HSPBAP1: variants seen among roughly 807,000 people sequenced by gnomAD.
HSPBAP1 encodes the protein HSPB1 associated protein 1, also known as HSPB1-associated protein 1.
In HSPBAP1, 27 loss-of-function variants were observed where a neutral mutation model predicts 45.2. The ratio of observed to expected loss-of-function variants is 0.60; its 90% confidence interval spans 0.44 to 0.82. The LOEUF is 0.82. HSPBAP1 is among the 40% of genes least tolerant of loss of function. HSPBAP1 has a pLI of 0.00. For synonymous variants in HSPBAP1, 204 were observed against 202.7 expected (o/e 1.01, Z -0.06); for missense variants, 510 against 590.9 (o/e 0.86, Z 1.42).
intron 6 of HSPBAP1, among the ~76,000 whole-genome samples, chr3:122,747,047 G>A (rs200461143): frequency 0.42 from 61,203 of 146,808 alleles, 12,288 homozygotes; most frequent in Non-Finnish European, 0.51. Context: ...CCAAAGTGCC[G>A]AGATTGCAGC....
intron 6 of HSPBAP1, among the ~76,000 whole-genome samples, chr3:122,749,905 C>T (rs982950674): frequency 3.3e-5 from 5 of 151,862 alleles, no homozygotes; most frequent in East Asian, 3.9e-4. Context: ...CCACTGCACC[C>T]GGCCAAATTT....
At position 122,793,753 on chromosome 3, in the gene HSPBAP1, A is replaced by C; in HGVS notation, c.-73T>G. 8.6e-6 allele frequency: 12 copies of C among 1,391,780 alleles called. No individual in the cohort carries two copies. Among genetic ancestry groups the C allele is most frequent in the Admixed American group, 3.6e-5 (2 of 55,980 alleles). The allele number at this position is 1,391,780 out of a possible 1,614,324, so 86.2% of individuals were successfully genotyped here. A position where few individuals can be genotyped will look rare whatever the true frequency, so the allele number is the denominator to read the frequency against. ...GGGGTGGGGTCAGAGTAGGGGCCAA[A>C]CTCCGAGACCCGAAGCTGCACCACA... On this transcript the variant is annotated 5_prime_UTR_variant, in exon 1 of 8. Transcript: ENST00000306103.
intron 2 of HSPBAP1, among the ~76,000 whole-genome samples, chr3:122,770,952 A>G (rs1340553169): frequency 2.0e-5 from 3 of 152,248 alleles, no homozygotes; most frequent in Admixed American, 2.0e-4. Context: ...AAGCCATTAA[A>G]TGAGCTACTT....
At position 122,748,194 on chromosome 3, in the gene HSPBAP1, G is replaced by A. The variant is rs918205636; in HGVS notation, c.825+4397C>T. The stretch of plus-strand genomic sequence containing the variant: ...GACGCTTGAAGGCAGCGTGCTCGTT[G>A]AGAGTCATCACCACTCCCTAATCTC... On this transcript the variant is annotated intron_variant, in intron 6 of 7. Coordinates refer to ENST00000306103, the MANE Select transcript of HSPBAP1 (RefSeq NM_024610.6). Among the ~76,000 whole-genome samples the A allele has an allele frequency of 2.4e-4, 37 of 152,086 alleles. No homozygotes were observed. The South Asian group carries it at 2.5e-3, about 10-fold the overall frequency.
chr3:122,752,512 G>T, intron 6 of HSPBAP1, 79 bp downstream of exon 6: 1 of 824,716 alleles, frequency 1.2e-6, no homozygotes, highest in Non-Finnish European at 1.9e-6. Context: ...TTACCCAGTT[G>T]TACAGCCAGA....
intron 2 of HSPBAP1, among the ~76,000 whole-genome samples, chr3:122,776,759 T>C (rs910364320): frequency 4.6e-5 from 7 of 152,152 alleles, no homozygotes; most frequent in African/African-American, 1.2e-4. Flanking sequence ...TCCAGGTATA[T>C]TCAACATGCT....
At chr3:122,749,742 G>A (rs1009631393) in intron 6 of HSPBAP1, among the ~76,000 whole-genome samples, 5 of 152,002 alleles carry the variant, frequency 3.3e-5, no homozygotes, top group African/African-American at 1.2e-4. Flanking sequence ...CTGAGTAGCT[G>A]GAACTACAGG....
chr3:122,792,725 T>C (rs1396078292), intron 1 of HSPBAP1, among the ~76,000 whole-genome samples: 3 of 151,862 alleles, frequency 2.0e-5, no homozygotes, highest in African/African-American at 7.3e-5. Context: ...ATACAAAAAT[T>C]AGCTGGGCGT....
At chr3:122,753,053 C>T in intron 5 of HSPBAP1, 5 of 867,016 alleles carry the variant, frequency 5.8e-6, no homozygotes, top group Non-Finnish European at 6.9e-6. Flanking sequence ...CTTCTGTTTT[C>T]TCACAGCTCA....
intron 6 of HSPBAP1, among the ~76,000 whole-genome samples, chr3:122,747,273 G>A (rs1441912352): frequency 1.4e-5 from 2 of 143,896 alleles, no homozygotes; most frequent in Non-Finnish European, 3.0e-5. Flanking sequence ...GCCGCCCATC[G>A]TCTGAGATGT....
chr3:122,768,696 C>A lies in HSPBAP1; in HGVS notation c.432+5G>T. On this transcript the variant is annotated splice_donor_5th_base_variant and intron_variant, in intron 3 of 7. Coordinates refer to ENST00000306103, the MANE Select transcript of HSPBAP1 (RefSeq NM_024610.6). Reference sequence around the variant, plus strand: ...ACCAAGATTAGAAGGAAGGTTCTGACTTACCTGGAAAAGATCTGTCTTGTC... The same window carrying A: ...ACCAAGATTAGAAGGAAGGTTCTGAATTACCTGGAAAAGATCTGTCTTGTC... 1 of 1,599,972 alleles carries A rather than the reference C, an allele frequency of 6.3e-7. No individual in the cohort carries two copies.
chr3:122,780,837 A>G (rs1935430252), intron 1 of HSPBAP1, among the ~76,000 whole-genome samples: 1 of 134,866 alleles, frequency 7.4e-6, no homozygotes, highest in Non-Finnish European at 1.6e-5. Context: ...CACTTCTCAG[A>G]CGGGGCGGCC....
At chr3:122,778,380 C>A (rs1445533922) in intron 1 of HSPBAP1, among the ~76,000 whole-genome samples, 1 of 151,718 alleles carries the variant, frequency 6.6e-6, no homozygotes, top group African/African-American at 2.4e-5. Context: ...GATTGGTTGC[C>A]TATAGACTAC....
At chr3:122,749,757 C>G (rs1056137254) in intron 6 of HSPBAP1, among the ~76,000 whole-genome samples, 1 of 151,846 alleles carries the variant, frequency 6.6e-6, no homozygotes, top group African/African-American at 2.4e-5. Context: ...TACAGGCATG[C>G]GCCACCATGC....
intron 5 of HSPBAP1, chr3:122,754,566 G>A: frequency 1.0e-6 from 1 of 985,138 alleles, no homozygotes. Flanking sequence ...AAGGAAGCAG[G>A]AAAAGAGCCA....
chr3:122,760,599 A>G (rs1209586042), intron 3 of HSPBAP1, among the ~76,000 whole-genome samples: 1 of 151,962 alleles, frequency 6.6e-6, no homozygotes, highest in African/African-American at 2.4e-5. Context: ...CGTGCACATA[A>G]TTAATGTCTG....
chr3:122,740,316 A>T lies in HSPBAP1; in HGVS notation c.*29T>A. On this transcript the variant is annotated 3_prime_UTR_variant, in exon 8 of 8. Transcript: ENST00000306103. Reference sequence around the variant, plus strand: ...ACTTAAAAATATATATTTAAAAAATATTATTTTAAAAGTCATCTTCCACTT... The same window carrying T: ...ACTTAAAAATATATATTTAAAAAATTTTATTTTAAAAGTCATCTTCCACTT... 7.2e-7 allele frequency: 1 copy of T among 1,385,780 alleles called. No individual in the cohort carries two copies. Among genetic ancestry groups the T allele is most frequent in the Non-Finnish European group, 9.7e-7 (1 of 1,032,428 alleles). 85.8% of individuals were successfully genotyped at this position (1,385,780 alleles called of 1,614,324 possible). A position where few individuals can be genotyped will look rare whatever the true frequency, so the allele number is the denominator to read the frequency against.
chr3:122,768,443 AC>A (rs1386558156), intron 3 of HSPBAP1, among the ~76,000 whole-genome samples: 1 of 152,138 alleles, frequency 6.6e-6, no homozygotes, highest in African/African-American at 2.4e-5. Flanking sequence ...CTCCAAACCG[AC>A]TCAAGCACTG....
At chr3:122,746,769 C>T (rs904646013) in intron 6 of HSPBAP1, among the ~76,000 whole-genome samples, 4 of 152,074 alleles carry the variant, frequency 2.6e-5, no homozygotes, top group Admixed American at 6.5e-5. Flanking sequence ...TCTCCTGCCT[C>T]GGCCTGCCGA....
Sources: allele counts gnomAD v4.1 joint callset (sites outside exome capture counted in the v4.1 genomes callset), GRCh38; gene constraint gnomAD v4.1.1; transcripts MANE v1.5; gene names NCBI Gene and HGNC (gene_info 2026-07-23, HGNC 2026-07-21).